FMNL3: variants seen among roughly 807,000 people sequenced by gnomAD.
FMNL3 encodes formin like 3.
Under a neutral mutation model 119.6 loss-of-function variants are expected in FMNL3, and 57 were observed. That is an observed-to-expected ratio of 0.48 (90% CI 0.39 to 0.59). The LOEUF is 0.59. Among genes scored for constraint, FMNL3 ranks in the 20% least tolerant of loss-of-function variants. The probability of loss-of-function intolerance (pLI) is 0.00; values close to 1 mark genes in which losing one functional copy is unlikely to be tolerated. For missense variants in FMNL3, 1,053 were observed against 1,323.5 expected (o/e 0.80, Z 3.17); for synonymous variants, 491 against 507.3 (o/e 0.97, Z 0.43).
At chr12:49,688,699 C>T (rs1267517329) in intron 1 of FMNL3, 1 of 358,922 alleles carries the variant, frequency 2.8e-6, no homozygotes, top group Non-Finnish European at 5.5e-6. Flanking sequence ...AGATCAACTA[C>T]AGTAGTGGTA....
chr12:49,660,540 C>T (rs901610169), intron 5 of FMNL3, among the ~76,000 whole-genome samples: 2 of 152,180 alleles, frequency 1.3e-5, no homozygotes, highest in Admixed American at 6.5e-5. Flanking sequence ...TTGGTTTTAA[C>T]AGGATAACCT....
chr12:49,691,117 G>A (rs554792067), intron 1 of FMNL3, among the ~76,000 whole-genome samples: 15 of 152,328 alleles, frequency 9.8e-5, no homozygotes, highest in Non-Finnish European at 2.1e-4. Flanking sequence ...ACCTACTAGT[G>A]TGTGATCCTA....
In FMNL3 at chr12:49,637,170, TGGG is replaced by T. The variant is rs1322713597; in HGVS notation, c.*8642_*8644del. 14 of 572,480 alleles carry T rather than the reference TGGG, an allele frequency of 2.4e-5. No individual in the cohort carries two copies. The highest frequency in any genetic ancestry group is 3.7e-5 in the African/African-American group (2 of 53,510). The allele number at this position is 572,480 out of a possible 1,614,324, so 35.5% of individuals were successfully genotyped here. The stretch of plus-strand genomic sequence containing the variant: ...ACAGGCAGAGTTTATTCCCTCAGCT[TGGG>T]GGTGGCAGTGGTGGTGGTAGTGCTA... On this transcript the variant is annotated 3_prime_UTR_variant, in exon 26 of 26. Coordinates refer to ENST00000335154, the MANE Select transcript of FMNL3 (RefSeq NM_175736.5).
At position 49,647,242 on chromosome 12, in the gene FMNL3, C is replaced by T. The variant is rs776005257; in HGVS notation, c.2871+34G>A. On this transcript the variant is annotated intron_variant, in intron 24 of 25. Transcript: ENST00000335154. This position sits in a 1 kb window ranked among gnomAD's most constrained non-coding sequence, Gnocchi z 4.9. Reference sequence around the variant, plus strand: ...CCCAGCCCCCACTCTTTTGCCTTGTCGTCCTCCAGGCCCCAGCTCTTGGTC... The same window carrying T: ...CCCAGCCCCCACTCTTTTGCCTTGTTGTCCTCCAGGCCCCAGCTCTTGGTC... 2.6e-5 allele frequency: 42 copies of T among 1,611,038 alleles called. No individual in the cohort carries two copies. The highest frequency in any genetic ancestry group is 2.5e-4 in the East Asian group (11 of 44,882).
intron 1 of FMNL3, 116 bp downstream of exon 1, chr12:49,706,939 C>T (rs1024737071): frequency 1.6e-6 from 2 of 1,213,024 alleles, no homozygotes; most frequent in African/African-American, 1.6e-5. Context: ...GGCCGGGATC[C>T]GTTCGGGACC....
In FMNL3 at chr12:49,637,722, C is replaced by G. The variant is rs1364203438; in HGVS notation, c.*8093G>C. 3 of 1,581,188 alleles carry G rather than the reference C, an allele frequency of 1.9e-6. No homozygotes were observed. The highest frequency in any genetic ancestry group is 2.0e-4 in the Middle Eastern group (1 of 4,896). Reference sequence around the variant, plus strand: ...GCCGCCCGCCAGGCCCCCCTCCCTCCCTCCTTACAGGCTCCACCCCTCTGG... The same window carrying G: ...GCCGCCCGCCAGGCCCCCCTCCCTCGCTCCTTACAGGCTCCACCCCTCTGG... On this transcript the variant is annotated 3_prime_UTR_variant, in exon 26 of 26. Coordinates refer to ENST00000335154, the MANE Select transcript of FMNL3 (RefSeq NM_175736.5).
In FMNL3 at chr12:49,643,935, C is replaced by G; in HGVS notation, c.*1880G>C. On this transcript the variant is annotated 3_prime_UTR_variant, in exon 26 of 26. Coordinates refer to ENST00000335154, the MANE Select transcript of FMNL3 (RefSeq NM_175736.5). Reference sequence around the variant, plus strand: ...GCGATGAGAAAGAACAAGAACAGGACAAGGACAGGGAGCTCCAACAGGCAG... The same window carrying G: ...GCGATGAGAAAGAACAAGAACAGGAGAAGGACAGGGAGCTCCAACAGGCAG... 6.2e-7 allele frequency: 1 copy of G among 1,614,168 alleles called. No individual in the cohort carries two copies. The highest frequency in any genetic ancestry group is 8.5e-7 in the Non-Finnish European group (1 of 1,180,044).
In FMNL3 at chr12:49,642,203, G is replaced by A; in HGVS notation, c.*3612C>T. ...TGGGACCTGGCATCCACCCTCCTGG[G>A]TGACCCTGTTCCGTGTCCCTTCTTT... On this transcript the variant is annotated 3_prime_UTR_variant, in exon 26 of 26. Transcript: ENST00000335154. The surrounding 1 kb of genome is among the most constrained non-coding windows in gnomAD (Gnocchi z 5.8). The A allele has an allele frequency of 1.2e-6, 2 of 1,614,038 alleles. No homozygotes were observed. Among genetic ancestry groups the A allele is most frequent in the East Asian group, 2.2e-5 (1 of 44,888 alleles).
In FMNL3 at chr12:49,649,010, C is replaced by T. The variant is rs1467799434; in HGVS notation, c.2515+19G>A. ...GGGCTGGATGTGAGGGCAGGCCCAC[C>T]CAGCCAGGCTCTCCTCACCTGCTGC... On this transcript the variant is annotated intron_variant, in intron 21 of 25. Transcript: ENST00000335154. The surrounding 1 kb of genome is among the most constrained non-coding windows in gnomAD (Gnocchi z 5.6). The T allele has an allele frequency of 6.4e-7, 1 of 1,568,956 alleles. No individual in the cohort carries two copies. The highest frequency in any genetic ancestry group is 2.2e-5 in the East Asian group (1 of 44,648).
chr12:49,662,692 G>A (rs534833345), intron 4 of FMNL3, among the ~76,000 whole-genome samples: 4 of 152,300 alleles, frequency 2.6e-5, no homozygotes, highest in South Asian at 4.1e-4. Context: ...GGATGTCTAT[G>A]ACCACTCAGA....
At chr12:49,696,829 T>C (rs200743667) in intron 1 of FMNL3, among the ~76,000 whole-genome samples, 1 of 152,212 alleles carries the variant, frequency 6.6e-6, no homozygotes, top group East Asian at 1.9e-4. Context: ...CAGCATTATT[T>C]TATCTGAACC....
intron 1 of FMNL3, among the ~76,000 whole-genome samples, chr12:49,696,015 G>A (rs1033326463): frequency 5.3e-5 from 8 of 152,086 alleles, no homozygotes; most frequent in African/African-American, 1.2e-4. Context: ...ACCTTTGGCC[G>A]TCACTGCAAG....
rs1941933416 is a variant in FMNL3 at position 49,637,124 on chromosome 12, T to C, written c.*8691A>G. The C allele has an allele frequency of 1.7e-6, 1 of 584,912 alleles. No individual in the cohort carries two copies. Among genetic ancestry groups the C allele is most frequent in the Non-Finnish European group, 3.0e-6 (1 of 332,702 alleles). 36.2% of individuals were successfully genotyped at this position (584,912 alleles called of 1,614,324 possible). On this transcript the variant is annotated 3_prime_UTR_variant, in exon 26 of 26. Transcript: ENST00000335154. Reference sequence around the variant, plus strand: ...TGACTTGGCAGCTAGGCCATGTTTATTTCCCTTGGTGGGGCACCCGACAGG... The same window carrying C: ...TGACTTGGCAGCTAGGCCATGTTTACTTCCCTTGGTGGGGCACCCGACAGG...
chr12:49,646,253 C>T (rs938307745), intron 25 of FMNL3, among the ~76,000 whole-genome samples: 3 of 152,172 alleles, frequency 2.0e-5, no homozygotes, highest in Non-Finnish European at 4.4e-5. Context: ...GAAGCTACTA[C>T]CAGAGCTCTT....
At chr12:49,698,055 C>A (rs976304681) in intron 1 of FMNL3, among the ~76,000 whole-genome samples, 26 of 152,110 alleles carry the variant, frequency 1.7e-4, no homozygotes, top group Non-Finnish European at 3.1e-4. Context: ...GTTTTTAAAA[C>A]CAAATATCCA....
intron 7 of FMNL3, 79 bp from the exon 8 acceptor site, chr12:49,656,978 C>T: frequency 1.3e-6 from 2 of 1,530,178 alleles, no homozygotes; most frequent in South Asian, 1.1e-5. Context: ...ACCGTAGGCC[C>T]ACCAGCAAAC....
At chr12:49,668,907 T>C (rs759625180) in intron 1 of FMNL3, among the ~76,000 whole-genome samples, 26 of 152,248 alleles carry the variant, frequency 1.7e-4, no homozygotes, top group Non-Finnish European at 2.6e-4. Context: ...TAAACAAATA[T>C]GTCATATACA....
chr12:49,638,097 A>T lies in FMNL3; in HGVS notation c.*7718T>A. On this transcript the variant is annotated 3_prime_UTR_variant, in exon 26 of 26. Coordinates refer to ENST00000335154, the MANE Select transcript of FMNL3 (RefSeq NM_175736.5). ...AGGAATCTGAAGAACTAACATTTGAACTGTGCATTTAGAAATTTGTAGGTG... is the reference window on the plus strand; with the variant it reads ...AGGAATCTGAAGAACTAACATTTGATCTGTGCATTTAGAAATTTGTAGGTG... 1 of 411,222 alleles carries T rather than the reference A, an allele frequency of 2.4e-6. No individual in the cohort carries two copies. The highest frequency in any genetic ancestry group is 4.4e-6 in the Non-Finnish European group (1 of 226,846). The allele number at this position is 411,222 out of a possible 1,614,324, so 25.5% of individuals were successfully genotyped here.
rs779542588 is a variant in FMNL3, at chr12:49,647,722, C to T, written c.2759G>A (p.Arg920Gln). The part of the protein sequence containing the change: ...PPSVFFPVFV[R>Q]FIRSYKEAEQ... The stretch of plus-strand genomic sequence containing the variant: ...GCTTACCTTGTAAGAACGAATGAAT[C>T]GGACAAATACTGGGAAGAATACAGA... The change falls in exon 23 of 26, where the codon CGA becomes CAA. Residue 920 changes from arginine (R) to glutamine (Q), a missense_variant. By Grantham distance (43) the Arg-to-Gln change is conservative. Transcript: ENST00000335154. The surrounding 1 kb of genome is among the most constrained non-coding windows in gnomAD (Gnocchi z 4.9). The T allele has an allele frequency of 5.0e-6, 8 of 1,614,088 alleles. No homozygotes were observed. Among genetic ancestry groups the T allele is most frequent in the East Asian group, 2.2e-5 (1 of 44,890 alleles).
Sources: gnomAD v4.1 joint callset for allele counts (sites outside exome capture counted in the v4.1 genomes callset) on GRCh38, gnomAD v4.1.1 for gene constraint, Gnocchi (gnomAD v3.1) non-coding constraint, MANE v1.5 for transcripts, NCBI Gene and HGNC (gene_info 2026-07-23, HGNC 2026-07-21) for gene names.